CREB5: variants seen among roughly 807,000 people sequenced by gnomAD.
CREB5 encodes the protein cyclic AMP-responsive element-binding protein 5.
Under a neutral mutation model 57.1 loss-of-function variants are expected in CREB5, and 19 were observed. The ratio of observed to expected loss-of-function variants is 0.33; its 90% confidence interval spans 0.23 to 0.49. The LOEUF (loss-of-function observed/expected upper bound fraction) is 0.49, where lower values mean the gene tolerates loss of function less well. Ranked by LOEUF, CREB5 falls within the 20% of genes least tolerant of loss-of-function variation. The probability of loss-of-function intolerance (pLI) is 0.99; values close to 1 mark genes in which losing one functional copy is unlikely to be tolerated. For synonymous variants in CREB5, 238 were observed against 238.3 expected, an observed-to-expected ratio of 1.00 and a Z score of 0.01; for missense variants, 579 against 671.6, an observed-to-expected ratio of 0.86 and a Z score of 1.52.
At chr7:28,753,981 T>C (rs1290635536) in intron 7 of CREB5, among the ~76,000 whole-genome samples, 2 of 149,686 alleles carry the variant, frequency 1.3e-5, no homozygotes, top group South Asian at 2.1e-4. Flanking sequence ...AAAATTAAAC[T>C]CATTAAAAAA....
intron 5 of CREB5, among the ~76,000 whole-genome samples, chr7:28,623,063 A>G (rs1156454090): frequency 6.6e-6 from 1 of 151,992 alleles, no homozygotes; most frequent in Non-Finnish European, 1.5e-5. Flanking sequence ...TTGTAGTTTT[A>G]GTAGAGACAG....
At chr7:28,662,653 A>G (rs1424173108) in intron 5 of CREB5, among the ~76,000 whole-genome samples, 2 of 152,174 alleles carry the variant, frequency 1.3e-5, no homozygotes, top group African/African-American at 4.8e-5. Context: ...ACACAGCCCT[A>G]AAGAGATGAC....
rs192579428 is a variant in CREB5 at position 28,307,581 on chromosome 7, A to G, written c.-25+8140A>G. The stretch of plus-strand genomic sequence containing the variant: ...TTACTATAGCAGCACAAATGGGCTT[A>G]GACAGTTGCCATCTGGCAAAGCTCC... On this transcript the variant is annotated intron_variant, in intron 1 of 9. Transcript: ENST00000396299. 4.8e-4 allele frequency among the ~76,000 whole-genome samples: 73 copies of G among 152,372 alleles called. No homozygotes were observed. The South Asian group carries it at 8.3e-3, about 17-fold the overall frequency.
chr7:28,337,205 G>T (rs1215351498), intron 1 of CREB5, among the ~76,000 whole-genome samples: 1 of 151,888 alleles, frequency 6.6e-6, no homozygotes, highest in Non-Finnish European at 1.5e-5. Flanking sequence ...TATCTATTAG[G>T]GTCAGTTAAT....
intron 4 of CREB5, among the ~76,000 whole-genome samples, chr7:28,523,082 A>G (rs1197279629): frequency 3.9e-5 from 6 of 152,202 alleles, no homozygotes; most frequent in African/African-American, 1.4e-4. Flanking sequence ...ATTAGATTCT[A>G]AAAGACCAAT....
intron 7 of CREB5, among the ~76,000 whole-genome samples, chr7:28,737,569 ATATATATATATAT>A (rs1804087681): frequency 7.2e-5 from 7 of 97,122 alleles, no homozygotes; most frequent in Non-Finnish European, 1.3e-4. Context: ...ATATATATAT[ATATATATATATAT>A]ATATATTTTT....
At chr7:28,608,113 T>TCTCA (rs1484747649) in intron 5 of CREB5, among the ~76,000 whole-genome samples, 4 of 143,070 alleles carry the variant, frequency 2.8e-5, no homozygotes, top group Non-Finnish European at 3.0e-5. Context: ...TCTCTCTCTC[T>TCTCA]CACACACACT....
intron 4 of CREB5, among the ~76,000 whole-genome samples, chr7:28,530,306 C>A (rs2128621298): frequency 6.6e-6 from 1 of 152,318 alleles, no homozygotes; most frequent in East Asian, 1.9e-4. Flanking sequence ...AGACATGCTG[C>A]TGTGTGCAGC....
intron 1 of CREB5, among the ~76,000 whole-genome samples, chr7:28,361,689 C>T (rs947282144): frequency 3.3e-5 from 5 of 152,164 alleles, no homozygotes; most frequent in African/African-American, 4.8e-5. Context: ...CAGCCTCCTG[C>T]GGACTCAGCA....
At chr7:28,444,586 G>A (rs555239918) in intron 1 of CREB5, among the ~76,000 whole-genome samples, 1 of 152,286 alleles carries the variant, frequency 6.6e-6, no homozygotes, top group East Asian at 1.9e-4. Flanking sequence ...TCCACCAGAG[G>A]AGAAGCTGTG....
intron 1 of CREB5, among the ~76,000 whole-genome samples, chr7:28,343,118 T>A (rs551932109): frequency 6.6e-6 from 1 of 152,208 alleles, no homozygotes; most frequent in African/African-American, 2.4e-5. Context: ...TTTTTTATAT[T>A]TTTAGTAGAG....
chr7:28,556,343 A>C (rs1256657490), intron 4 of CREB5, among the ~76,000 whole-genome samples: 2 of 152,148 alleles, frequency 1.3e-5, no homozygotes, highest in African/African-American at 4.8e-5. Flanking sequence ...CCTGGTTTTC[A>C]GGGCGTGTAA....
intron 5 of CREB5, among the ~76,000 whole-genome samples, chr7:28,636,087 CT>C (rs1207327132): frequency 1.3e-5 from 2 of 152,170 alleles, no homozygotes; most frequent in Non-Finnish European, 2.9e-5. Context: ...TCTTCGAGTT[CT>C]TTTTTTAAGT....
chr7:28,720,076 AAAT>A (rs1802939802), intron 6 of CREB5, among the ~76,000 whole-genome samples: 1 of 152,130 alleles, frequency 6.6e-6, no homozygotes, highest in African/African-American at 2.4e-5. Flanking sequence ...CAAACACAAA[AAAT>A]AATAATAGAT....
intron 1 of CREB5, among the ~76,000 whole-genome samples, chr7:28,299,856 G>T (rs1017538637): frequency 2.3e-4 from 35 of 152,294 alleles, no homozygotes; most frequent in African/African-American, 8.4e-4. Context: ...ATTGGATAAT[G>T]TGTTTGATGG....
chr7:28,746,229 A>C (rs1056492718), intron 7 of CREB5, among the ~76,000 whole-genome samples: 1 of 152,226 alleles, frequency 6.6e-6, no homozygotes, highest in African/African-American at 2.4e-5. Flanking sequence ...CTCTAGGGAC[A>C]TGGAGAGAAA....
chr7:28,468,194 G>C (rs1036835120), intron 1 of CREB5, among the ~76,000 whole-genome samples: 3 of 152,186 alleles, frequency 2.0e-5, no homozygotes, highest in Admixed American at 2.0e-4. Context: ...TTCTGGGATG[G>C]AGTTTACATG....
chr7:28,533,904 G>A lies in CREB5; in HGVS notation c.291+26167G>A, dbSNP rs143002476. On this transcript the variant is annotated intron_variant, in intron 4 of 10. Transcript: ENST00000357727. ...CATCTTTTTTTGAAATAAAAACCAA[G>A]TGTAAACATGAGTCAGAATGACAGG... Among the ~76,000 whole-genome samples, 133 of 152,216 alleles carry A rather than the reference G, an allele frequency of 8.7e-4. 1 individual carries two copies. The East Asian group carries it at 0.021, about 25-fold the overall frequency.
chr7:28,471,512 A>G (rs1790805159), intron 1 of CREB5, among the ~76,000 whole-genome samples: 1 of 152,096 alleles, frequency 6.6e-6, no homozygotes, highest in African/African-American at 2.4e-5. Flanking sequence ...CTTTTGTGTG[A>G]ACCCATATAC....
Sources: gnomAD v4.1 joint callset for allele counts (sites outside exome capture counted in the v4.1 genomes callset) on GRCh38, gnomAD v4.1.1 for gene constraint, MANE v1.5 for transcripts, NCBI Gene and HGNC (gene_info 2026-07-23, HGNC 2026-07-21) for gene names.